Variants in AHDC1 observed in about 807,000 individuals in gnomAD.
AHDC1 encodes the protein transcription factor Gibbin.
In AHDC1, 7 loss-of-function variants were observed where a neutral mutation model predicts 87.9. The observed-to-expected ratio is 0.08, with a 90% confidence interval of 0.05 to 0.15. The LOEUF is 0.15. Among genes scored for constraint, AHDC1 ranks in the 10% least tolerant of loss-of-function variants. The pLI is 1.00. For synonymous variants in AHDC1, 1,051 were observed against 1,006.8 expected, an observed-to-expected ratio of 1.04 and a Z score of -0.83; for missense variants, 1,841 against 2,253.2, an observed-to-expected ratio of 0.82 and a Z score of 3.70.
chr1:27,590,879 G>C lies in AHDC1; in HGVS notation c.-629+12518C>G, dbSNP rs1410183271. On this transcript the variant is annotated intron_variant, in intron 3 of 8. Transcript: ENST00000673934. The surrounding 1 kb of genome is among the most constrained non-coding windows in gnomAD (Gnocchi z 5.4). ...GCTGGAGGGAGTGGGGAACAGGCAG[G>C]TGGGCTCCCTCAACCCCCAGCACCT... 6.6e-6 allele frequency among the ~76,000 whole-genome samples: 1 copy of C among 152,206 alleles called. No individual in the cohort carries two copies. Among genetic ancestry groups the C allele is most frequent in the Non-Finnish European group, 1.5e-5 (1 of 68,024 alleles).
At chr1:27,569,068 C>G (rs745661347) in intron 3 of AHDC1, among the ~76,000 whole-genome samples, 2 of 151,294 alleles carry the variant, frequency 1.3e-5, no homozygotes, top group African/African-American at 2.4e-5. Context: ...CTCAAAGCCC[C>G]CTCACCCCAT....
chr1:27,564,934 C>T (rs1475236964), intron 3 of AHDC1, among the ~76,000 whole-genome samples: 1 of 152,140 alleles, frequency 6.6e-6, no homozygotes, highest in East Asian at 1.9e-4. Context: ...GAGGGAAAGG[C>T]CTAGCCTGAG....
rs1307324858 is a variant in AHDC1, at chr1:27,565,159, C to T, written c.-628-6276G>A. Among the ~76,000 whole-genome samples, 1 of 152,174 alleles carries T rather than the reference C, an allele frequency of 6.6e-6. No individual in the cohort carries two copies. The highest frequency in any genetic ancestry group is 1.5e-5 in the Non-Finnish European group (1 of 68,006). The stretch of plus-strand genomic sequence containing the variant: ...AAGCGGCTAATTTTAGCTGAGGCCT[C>T]GATGCCAGCTTTGTTCCCCCCACCC... On this transcript the variant is annotated intron_variant, in intron 3 of 8. Transcript: ENST00000673934. The surrounding 1 kb of genome is among the most constrained non-coding windows in gnomAD (Gnocchi z 4.6).
intron 3 of AHDC1, among the ~76,000 whole-genome samples, chr1:27,582,156 C>T (rs1336881957): frequency 6.6e-6 from 1 of 152,234 alleles, no homozygotes; most frequent in African/African-American, 2.4e-5. Flanking sequence ...ACTGCCCACA[C>T]CCCTCCAATT....
intron 3 of AHDC1, among the ~76,000 whole-genome samples, chr1:27,597,841 CTCTCTCCTTCT>C (rs2089419257): frequency 6.6e-6 from 1 of 152,092 alleles, no homozygotes. Flanking sequence ...GCCTCCCCAT[CTCTCTCCTTCT>C]CCATCTCAGT....
intron 3 of AHDC1, among the ~76,000 whole-genome samples, chr1:27,564,289 G>A (rs140505755): frequency 3.3e-5 from 5 of 152,224 alleles, no homozygotes; most frequent in Non-Finnish European, 7.3e-5. Context: ...CTTCGGGGAG[G>A]GGGGAAGGGG....
rs1475666314 is a variant in AHDC1, at chr1:27,547,807, C to T, written c.4309G>A (p.Ala1437Thr). Residue 1437 changes from alanine (A) to threonine (T), a missense_variant, in exon 8 of 9, where the codon GCA becomes ACA. Transcript: ENST00000673934. This position sits in a 1 kb window ranked among gnomAD's most constrained non-coding sequence, Gnocchi z 4.9. ...CTCAGGTGGGCCTGGGCTGCAGCTG[C>T]GTGGCCCAGGCTGGCCCCCTGGAGT... is the stretch of plus-strand genomic sequence containing the variant. ...HGLQGASLGH[A>T]AAAQAHLSCR... 1.1e-5 allele frequency: 17 copies of T among 1,559,810 alleles called. No individual in the cohort carries two copies. Among genetic ancestry groups the T allele is most frequent in the East Asian group, 2.3e-5 (1 of 44,238 alleles).
intron 3 of AHDC1, among the ~76,000 whole-genome samples, chr1:27,564,709 C>T (rs1381983569): frequency 3.3e-5 from 5 of 152,104 alleles, no homozygotes; most frequent in Non-Finnish European, 7.4e-5. Context: ...CCCTGCCGCC[C>T]GATGAAGACC....
intron 3 of AHDC1, among the ~76,000 whole-genome samples, chr1:27,586,935 C>T (rs1026809057): frequency 3.3e-5 from 5 of 152,198 alleles, no homozygotes; most frequent in South Asian, 4.2e-4. Flanking sequence ...AGTCAGGTCT[C>T]GGCAAGACCC....
At chr1:27,535,685 C>T (rs746369582) in intron 8 of AHDC1, among the ~76,000 whole-genome samples, 39 of 152,136 alleles carry the variant, frequency 2.6e-4, no homozygotes, top group Non-Finnish European at 4.9e-4. Flanking sequence ...AACACAATGC[C>T]ATCTGTGTTT....
In AHDC1 at chr1:27,547,496, G is replaced by A; in HGVS notation, c.4620C>T (p.Cys1540=). Residue 1540 remains cysteine (C), a synonymous_variant, in exon 8 of 9, where the codon TGC becomes TGT. Coordinates refer to ENST00000673934, the MANE Select transcript of AHDC1 (RefSeq NM_001371928.1). The surrounding 1 kb of genome is among the most constrained non-coding windows in gnomAD (Gnocchi z 4.9). Reference sequence around the variant, plus strand: ...ACAGGGTCAAGTCACTAAGGAGTGGGCAGCCATAGCCAGCAGCGGCTGCAG... The same window carrying A: ...ACAGGGTCAAGTCACTAAGGAGTGGACAGCCATAGCCAGCAGCGGCTGCAG... ...GPAAAAAGYG[C]PLLSDLTLSP... 1.2e-6 allele frequency: 2 copies of A among 1,605,818 alleles called. No homozygotes were observed. Among genetic ancestry groups the A allele is most frequent in the Non-Finnish European group, 1.7e-6 (2 of 1,174,842 alleles).
rs1182740235 is a variant in AHDC1, at chr1:27,560,868, T to C, written c.-628-1985A>G. On this transcript the variant is annotated intron_variant, in intron 3 of 8. Transcript: ENST00000673934. This position sits in a 1 kb window ranked among gnomAD's most constrained non-coding sequence, Gnocchi z 4.1. ...CTCAGTGTGTGAGTGCGTGTGTGCATGCATGTGAGATACCCTTTGTGAGAC... is the reference window on the plus strand; with the variant it reads ...CTCAGTGTGTGAGTGCGTGTGTGCACGCATGTGAGATACCCTTTGTGAGAC... Among the ~76,000 whole-genome samples, 2 of 152,048 alleles carry C rather than the reference T, an allele frequency of 1.3e-5. No individual in the cohort carries two copies. The highest frequency in any genetic ancestry group is 4.8e-5 in the African/African-American group (2 of 41,372).
chr1:27,551,867 C>A lies in AHDC1; in HGVS notation c.249G>T (p.Pro83=), dbSNP rs762644111. Residue 83 remains proline, a synonymous_variant, in exon 8 of 9, where the codon CCG becomes CCT. Coordinates refer to ENST00000673934, the MANE Select transcript of AHDC1 (RefSeq NM_001371928.1). ...RPPVLAKGDD[P]LPPRAARPVS... ...CAGGACGGGCTGCCCGTGGGGGCAG[C>A]GGGTCGTCCCCCTTGGCAAGGACTG... 12 of 1,608,286 alleles carry A rather than the reference C, an allele frequency of 7.5e-6. No individual in the cohort carries two copies. In the African/African-American group the frequency reaches 1.1e-4, roughly 14 times the overall value.
intron 3 of AHDC1, among the ~76,000 whole-genome samples, chr1:27,599,891 G>GTC (rs147481877): frequency 1.3e-5 from 2 of 151,428 alleles, no homozygotes; most frequent in East Asian, 1.9e-4. Flanking sequence ...TCCTGTGAGA[G>GTC]TCTCTCTCTC....
chr1:27,562,855 C>T lies in AHDC1; in HGVS notation c.-628-3972G>A, dbSNP rs900500038. On this transcript the variant is annotated intron_variant, in intron 3 of 8. Coordinates refer to ENST00000673934, the MANE Select transcript of AHDC1 (RefSeq NM_001371928.1). The surrounding 1 kb of genome is among the most constrained non-coding windows in gnomAD (Gnocchi z 4.4). The stretch of plus-strand genomic sequence containing the variant: ...GAATCACACATGCCACTCCCCACAA[C>T]AGCCTGCGACGGGCACATGGTGACA... Among the ~76,000 whole-genome samples, 1 of 152,208 alleles carries T rather than the reference C, an allele frequency of 6.6e-6. No homozygotes were observed. The highest frequency in any genetic ancestry group is 1.5e-5 in the Non-Finnish European group (1 of 68,030).
At chr1:27,602,938 G>C (rs1234230958) in intron 3 of AHDC1, among the ~76,000 whole-genome samples, 1 of 145,176 alleles carries the variant, frequency 6.9e-6, no homozygotes, top group Non-Finnish European at 1.5e-5. Flanking sequence ...TCCCAGCGCC[G>C]ATCCTAAAAT....
chr1:27,545,819 A>ATTTCCTT lies in AHDC1; in HGVS notation c.*43+1435_*43+1441dup, dbSNP rs565530549. On this transcript the variant is annotated intron_variant, in intron 8 of 8. Coordinates refer to ENST00000673934, the MANE Select transcript of AHDC1 (RefSeq NM_001371928.1). Reference sequence around the variant, plus strand: ...AGAGCCTAAGGGATTATCAAAGTAAATTTCCTTGAAAAGATGGGGAAACTG... The same window carrying ATTTCCTT: ...AGAGCCTAAGGGATTATCAAAGTAAATTTCCTTTTTCCTTGAAAAGATGGGGAAACTG... Among the ~76,000 whole-genome samples the ATTTCCTT allele has an allele frequency of 3.7e-4, 56 of 152,248 alleles. No homozygotes were observed. In the East Asian group the frequency reaches 9.8e-3, roughly 27 times the overall value.
chr1:27,578,443 G>A (rs2088818431), intron 3 of AHDC1, among the ~76,000 whole-genome samples: 1 of 151,846 alleles, frequency 6.6e-6, no homozygotes, highest in African/African-American at 2.4e-5. Context: ...ACAAAAATTA[G>A]CTGGGTGTGG....
Position 27,593,228 on chromosome 1 carries a change from C to T in AHDC1, c.-629+10169G>A, listed in dbSNP as rs1465069693. Among the ~76,000 whole-genome samples, 1 of 152,078 alleles carries T rather than the reference C, an allele frequency of 6.6e-6. No individual in the cohort carries two copies. Among genetic ancestry groups the T allele is most frequent in the African/African-American group, 2.4e-5 (1 of 41,394 alleles). On this transcript the variant is annotated intron_variant, in intron 3 of 8. Coordinates refer to ENST00000673934, the MANE Select transcript of AHDC1 (RefSeq NM_001371928.1). The surrounding 1 kb of genome is among the most constrained non-coding windows in gnomAD (Gnocchi z 4.9). ...GGGAGCAGCTCCGTCCCTCCCCTCC[C>T]CCTCCACTCCTCCAGGCAGGCAGCG...
Sources: allele counts gnomAD v4.1 joint callset (sites outside exome capture counted in the v4.1 genomes callset), GRCh38; gene constraint gnomAD v4.1.1; non-coding constraint Gnocchi (gnomAD v3.1); transcripts MANE v1.5; gene names NCBI Gene and HGNC (gene_info 2026-07-23, HGNC 2026-07-21).